Variants in PTPRT observed in about 807,000 individuals in gnomAD.
The protein encoded by PTPRT is protein tyrosine phosphatase receptor type T.
A neutral mutation model predicts 176.8 loss-of-function variants in PTPRT; 56 were observed. That is an observed-to-expected ratio of 0.32 (90% CI 0.26 to 0.40). The LOEUF is 0.40. Among genes scored for constraint, PTPRT ranks in the 10% least tolerant of loss-of-function variants. The pLI is 1.00. For synonymous variants in PTPRT, 783 were observed against 739.0 expected, an observed-to-expected ratio of 1.06 and a Z score of -0.96; for missense variants, 1,540 against 1,908.2, an observed-to-expected ratio of 0.81 and a Z score of 3.60.
chr20:42,419,366 C>T (rs536280687), intron 9 of PTPRT, among the ~76,000 whole-genome samples: 1 of 152,220 alleles, frequency 6.6e-6, no homozygotes, highest in South Asian at 2.1e-4. Flanking sequence ...GAGGGAGGAG[C>T]TTCAAGGTGC....
intron 9 of PTPRT, among the ~76,000 whole-genome samples, chr20:42,443,396 T>C (rs969850950): frequency 5.9e-5 from 9 of 152,218 alleles, no homozygotes; most frequent in African/African-American, 2.2e-4. Flanking sequence ...ATGATGCTAG[T>C]TTGTGGACAC....
intron 7 of PTPRT, among the ~76,000 whole-genome samples, chr20:42,559,182 G>A (rs2072909619): frequency 6.6e-6 from 1 of 152,140 alleles, no homozygotes; most frequent in African/African-American, 2.4e-5. Context: ...TCTGCCCTTT[G>A]AGCAGGATTT....
chr20:42,463,596 C>G (rs1328188485), intron 8 of PTPRT, among the ~76,000 whole-genome samples: 1 of 152,066 alleles, frequency 6.6e-6, no homozygotes, highest in Non-Finnish European at 1.5e-5. Flanking sequence ...TCTCCTCTCC[C>G]CTTTCCTCCC....
rs552080567 is a variant in PTPRT at position 42,857,966 on chromosome 20, T to C, written c.214+27841A>G. Among the ~76,000 whole-genome samples, 73 of 152,308 alleles carry C rather than the reference T, an allele frequency of 4.8e-4. 1 individual carries two copies. The South Asian group carries it at 0.015, about 31-fold the overall frequency. ...TTATGTTTATCATCTATCTCTCTCA[T>C]CAGACTGTGAGATTCATGAGAGCAA... On this transcript the variant is annotated intron_variant, in intron 2 of 30. Coordinates refer to ENST00000373187, the MANE Select transcript of PTPRT (RefSeq NM_007050.6).
At chr20:42,098,582 A>C in intron 26 of PTPRT, 30 bp from the exon 27 acceptor site, 1 of 1,613,260 alleles carries the variant, frequency 6.2e-7, no homozygotes, top group Non-Finnish European at 8.5e-7. Context: ...GGCTTCGTAA[A>C]TTACACATCC....
chr20:42,901,463 T>A (rs930938455), intron 1 of PTPRT, among the ~76,000 whole-genome samples: 1 of 152,168 alleles, frequency 6.6e-6, no homozygotes, highest in African/African-American at 2.4e-5. Context: ...CACTTGTGTA[T>A]GTCCACACTG....
rs921946170 is a variant in PTPRT, at chr20:42,073,782, G to T, written c.*7097C>A. On this transcript the variant is annotated 3_prime_UTR_variant, in exon 31 of 31. Coordinates refer to ENST00000373187, the MANE Select transcript of PTPRT (RefSeq NM_007050.6). The stretch of plus-strand genomic sequence containing the variant: ...GTACAGACCAAACACAATCTACTTG[G>T]ATTCGTGCTCTACAGGTATGAATGA... The T allele has an allele frequency of 8.9e-6, 2 of 223,568 alleles. No individual in the cohort carries two copies. The highest frequency in any genetic ancestry group is 1.8e-5 in the Non-Finnish European group (2 of 112,002). 13.8% of individuals were successfully genotyped at this position (223,568 alleles called of 1,614,324 possible).
intron 11 of PTPRT, among the ~76,000 whole-genome samples, chr20:42,348,412 A>G (rs967273847): frequency 7.7e-5 from 6 of 77,648 alleles, no homozygotes; most frequent in African/African-American, 2.7e-4. Context: ...ATTTTTGGAT[A>G]AAAATGTCAC....
the PTPRT span, among the ~76,000 whole-genome samples, chr20:42,038,356 A>G: frequency 6.6e-6 from 1 of 152,208 alleles, no homozygotes; most frequent in African/African-American, 2.4e-5. Context: ...AGCCCAAGTT[A>G]TACCCCAGAC....
chr20:42,109,569 AAT>A (rs1986828971), intron 23 of PTPRT, among the ~76,000 whole-genome samples: 1 of 152,166 alleles, frequency 6.6e-6, no homozygotes, highest in Non-Finnish European at 1.5e-5. Flanking sequence ...TCTTGAAAAT[AAT>A]ATAGAAATGA....
At chr20:42,750,569 T>C (rs2076756259) in intron 6 of PTPRT, among the ~76,000 whole-genome samples, 1 of 152,166 alleles carries the variant, frequency 6.6e-6, no homozygotes, top group South Asian at 2.1e-4. Context: ...GTCACATCAG[T>C]GTTTAAATCG....
At chr20:42,210,056 A>G (rs1194605023) in intron 15 of PTPRT, among the ~76,000 whole-genome samples, 4 of 152,236 alleles carry the variant, frequency 2.6e-5, no homozygotes, top group Non-Finnish European at 5.9e-5. Context: ...CCACATGATT[A>G]TTTCAATAGA....
chr20:42,405,185 CT>C (rs752650847), intron 9 of PTPRT, among the ~76,000 whole-genome samples: 20 of 145,204 alleles, frequency 1.4e-4, no homozygotes, highest in East Asian at 6.1e-4. Flanking sequence ...GGCCACATTT[CT>C]TTTTTTTTTC....
chr20:42,842,818 T>G (rs1416689026), intron 2 of PTPRT, among the ~76,000 whole-genome samples: 1 of 152,252 alleles, frequency 6.6e-6, no homozygotes, highest in Admixed American at 6.5e-5. Context: ...GCATGGCAGC[T>G]TCTATGTGCC....
Position 42,161,490 on chromosome 20 carries a change from A to G in PTPRT, c.2544T>C (p.His848=). Residue 848 remains histidine, a synonymous_variant, in exon 17 of 31, where the codon CAT becomes CAC. Coordinates refer to ENST00000373187, the MANE Select transcript of PTPRT (RefSeq NM_007050.6). ...CCACAGGGTCACAGGTGCGGTAGGG[A>G]TGAGTCTGGATCGTGAGGGTGGGCT... ...LSQPTLTIQT[H]PYRTCDPVEM... is the part of the protein sequence containing the mutation. 6.2e-7 allele frequency: 1 copy of G among 1,613,792 alleles called. No homozygotes were observed.
chr20:42,499,314 A>G lies in PTPRT; in HGVS notation c.1154-26752T>C, dbSNP rs1601135398. Among the ~76,000 whole-genome samples the G allele has an allele frequency of 2.7e-5, 4 of 148,878 alleles. No individual in the cohort carries two copies. The South Asian group carries it at 8.5e-4, about 32-fold the overall frequency. On this transcript the variant is annotated intron_variant, in intron 7 of 30. Coordinates refer to ENST00000373187, the MANE Select transcript of PTPRT (RefSeq NM_007050.6). ...AAACTTTTTTTTTTTTTTTTGAGAC[A>G]GAGTTTTGCTCTTGTCACCCAGGCT... is the stretch of plus-strand genomic sequence containing the variant.
intron 27 of PTPRT, among the ~76,000 whole-genome samples, chr20:42,090,535 C>T (rs771877745): frequency 6.6e-5 from 10 of 152,114 alleles, no homozygotes; most frequent in Non-Finnish European, 1.5e-4. Context: ...GCCATAAACT[C>T]ATAATAGCAT....
At chr20:42,996,253 C>T (rs1984215116) in intron 1 of PTPRT, among the ~76,000 whole-genome samples, 2 of 152,112 alleles carry the variant, frequency 1.3e-5, no homozygotes, top group African/African-American at 2.4e-5. Flanking sequence ...CTTGCATGCA[C>T]AATTTTAAGA....
At chr20:42,461,872 G>T (rs6016803) in intron 8 of PTPRT, among the ~76,000 whole-genome samples, 73,011 of 148,720 alleles carry the variant, frequency 0.49, 19,158 homozygotes, top group African/African-American at 0.69. Flanking sequence ...GTGTTTCTGG[G>T]TTTTTTTTTT....
Sources: allele counts gnomAD v4.1 joint callset (sites outside exome capture counted in the v4.1 genomes callset), GRCh38; gene constraint gnomAD v4.1.1; transcripts MANE v1.5; gene names NCBI Gene and HGNC (gene_info 2026-07-23, HGNC 2026-07-21).